Variants in NCAM2 observed in about 807,000 individuals in gnomAD.
NCAM2 encodes N-CAM-2.
Under a neutral mutation model 98.1 loss-of-function variants are expected in NCAM2, and 30 were observed. The ratio of observed to expected loss-of-function variants is 0.31; its 90% CI spans 0.23 to 0.41. The LOEUF (loss-of-function observed/expected upper bound fraction) is 0.41. Among genes scored for constraint, NCAM2 ranks in the 10% least tolerant of loss-of-function variants. The pLI is 1.00. For synonymous variants in NCAM2, 368 were observed against 342.4 expected (o/e 1.07, Z -0.83); for missense variants, 867 against 1,005.8 (o/e 0.86, Z 1.87).
chr21:21,348,127 A>G (rs1342990948), intron 8 of NCAM2, among the ~76,000 whole-genome samples: 2 of 152,118 alleles, frequency 1.3e-5, no homozygotes, highest in African/African-American at 4.8e-5. Context: ...ATTAGACAAG[A>G]GAAAGATCTA....
rs370041081 is a variant in NCAM2, at chr21:21,342,476, G to C, written c.1044+3942G>C. ...TTGACTGTGGGCTGCAAGCTCAGGT[G>C]GAGCTGTTTTTGGAACATCTATATG... On this transcript the variant is annotated intron_variant, in intron 8 of 17. Transcript: ENST00000400546. Among the ~76,000 whole-genome samples, 8 of 152,292 alleles carry C rather than the reference G, an allele frequency of 5.3e-5. No individual in the cohort carries two copies. In the South Asian group the frequency reaches 1.7e-3, roughly 32 times the overall value.
intron 1 of NCAM2, among the ~76,000 whole-genome samples, chr21:21,165,056 G>A (rs1201695201): frequency 1.3e-5 from 2 of 152,022 alleles, no homozygotes; most frequent in Non-Finnish European, 1.5e-5. Flanking sequence ...CTTGGTTTTG[G>A]CAATTCACTA....
chr21:21,337,761 G>A (rs750374437), intron 7 of NCAM2, among the ~76,000 whole-genome samples: 21 of 151,730 alleles, frequency 1.4e-4, no homozygotes, highest in African/African-American at 3.4e-4. Context: ...AATTAGTTAC[G>A]TTGTCTAGTA....
chr21:21,456,897 A>G (rs73324888), intron 12 of NCAM2, among the ~76,000 whole-genome samples: 10,889 of 152,230 alleles, frequency 0.072, 623 homozygotes, highest in African/African-American at 0.15. Context: ...CAGCTGTCGA[A>G]TCTGCTTTCA....
intron 1 of NCAM2, among the ~76,000 whole-genome samples, chr21:21,211,338 A>G (rs1277575429): frequency 1.3e-5 from 2 of 152,132 alleles, no homozygotes; most frequent in African/African-American, 4.8e-5. Context: ...TACTTCATTT[A>G]TACACATACT....
At chr21:21,487,139 A>G (rs967077295) in intron 15 of NCAM2, among the ~76,000 whole-genome samples, 36 of 152,260 alleles carry the variant, frequency 2.4e-4, no homozygotes, top group African/African-American at 8.2e-4. Flanking sequence ...AACCTTAGAC[A>G]TTTTACATCC....
At chr21:21,138,544 T>C (rs906433237) in intron 1 of NCAM2, among the ~76,000 whole-genome samples, 10 of 152,192 alleles carry the variant, frequency 6.6e-5, no homozygotes, top group African/African-American at 2.4e-4. Context: ...CCTCTCCATA[T>C]TGTGAACTAC....
intron 12 of NCAM2, among the ~76,000 whole-genome samples, chr21:21,460,239 C>T (rs1008222967): frequency 4.6e-5 from 7 of 151,854 alleles, no homozygotes; most frequent in African/African-American, 1.7e-4. Context: ...CTACAAAGTG[C>T]TCTCTGTACT....
intron 14 of NCAM2, among the ~76,000 whole-genome samples, chr21:21,473,374 A>G (rs1055696709): frequency 1.0e-4 from 3 of 28,930 alleles, no homozygotes; most frequent in Admixed American, 2.7e-4. Flanking sequence ...ATATGTATAA[A>G]TATATATATA....
intron 1 of NCAM2, among the ~76,000 whole-genome samples, chr21:21,140,936 C>A (rs2067155142): frequency 6.6e-6 from 1 of 152,056 alleles, no homozygotes; most frequent in Non-Finnish European, 1.5e-5. Flanking sequence ...AAGGTAATTT[C>A]TTAAATTAAC....
chr21:21,294,117 A>G (rs1242301454), intron 5 of NCAM2, among the ~76,000 whole-genome samples: 2 of 151,674 alleles, frequency 1.3e-5, no homozygotes, highest in African/African-American at 4.8e-5. Context: ...CATTACTTTT[A>G]ATGACAGACA....
chr21:21,416,788 G>T (rs1482497686), intron 10 of NCAM2, among the ~76,000 whole-genome samples: 1 of 152,046 alleles, frequency 6.6e-6, no homozygotes, highest in African/African-American at 2.4e-5. Context: ...CTGGGTTTAA[G>T]TGTAAAACCA....
intron 16 of NCAM2, among the ~76,000 whole-genome samples, chr21:21,533,647 A>C (rs946149645): frequency 9.2e-6 from 1 of 108,764 alleles, no homozygotes; most frequent in African/African-American, 4.3e-5. Flanking sequence ...ACCCTTCTTT[A>C]GTTTTTTTTT....
intron 1 of NCAM2, among the ~76,000 whole-genome samples, chr21:21,248,443 C>T (rs1013165727): frequency 6.6e-6 from 1 of 151,842 alleles, no homozygotes; most frequent in Non-Finnish European, 1.5e-5. Flanking sequence ...TTCCTTGAAA[C>T]ACAGGAAAAA....
chr21:21,306,452 A>G (rs1017444082), intron 5 of NCAM2, among the ~76,000 whole-genome samples: 3 of 152,142 alleles, frequency 2.0e-5, no homozygotes, highest in East Asian at 3.9e-4. Flanking sequence ...TCCGGATAAT[A>G]TTTGCTCCAA....
chr21:21,229,311 C>A (rs1277193999), intron 1 of NCAM2, among the ~76,000 whole-genome samples: 1 of 151,552 alleles, frequency 6.6e-6, no homozygotes, highest in Non-Finnish European at 1.5e-5. Context: ...GTTATAGACA[C>A]ATTTCTCATT....
At position 20,998,494 on chromosome 21, in the gene NCAM2, A is replaced by G. The variant is rs1030818594; in HGVS notation, c.-70A>G. The G allele has an allele frequency of 6.0e-6, 9 of 1,509,134 alleles. No homozygotes were observed. Among genetic ancestry groups the G allele is most frequent in the Non-Finnish European group, 7.3e-6 (8 of 1,101,530 alleles). 93.5% of individuals were successfully genotyped at this position (1,509,134 alleles called of 1,614,324 possible). On this transcript the variant is annotated 5_prime_UTR_variant, in exon 1 of 18. Transcript: ENST00000400546. Reference sequence around the variant, plus strand: ...CGGCTCTAGCAGAGGCGGCCGGGGCAGCGAAAGGTTCTCTCTCCAGGGCTG... The same window carrying G: ...CGGCTCTAGCAGAGGCGGCCGGGGCGGCGAAAGGTTCTCTCTCCAGGGCTG...
chr21:21,288,616 T>C (rs2073184975), intron 4 of NCAM2, among the ~76,000 whole-genome samples: 1 of 151,612 alleles, frequency 6.6e-6, no homozygotes, highest in Non-Finnish European at 1.5e-5. Flanking sequence ...TGTAGAAACT[T>C]ATCACATAAA....
chr21:21,171,420 G>A (rs1469992098), intron 1 of NCAM2, among the ~76,000 whole-genome samples: 2 of 152,148 alleles, frequency 1.3e-5, no homozygotes, highest in Non-Finnish European at 2.9e-5. Context: ...GGTATATTTT[G>A]TCTTGGTCTG....
Sources: gnomAD v4.1 joint callset for allele counts (sites outside exome capture counted in the v4.1 genomes callset) on GRCh38, gnomAD v4.1.1 for gene constraint, MANE v1.5 for transcripts, NCBI Gene and HGNC (gene_info 2026-07-23, HGNC 2026-07-21) for gene names.